The following DGKB variants were observed in gnomAD, a reference collection of about 807,000 sequenced individuals.
DGKB encodes 90 kDa diacylglycerol kinase.
A neutral mutation model predicts 114.3 loss-of-function variants in DGKB; 67 were observed. The ratio of observed to expected loss-of-function variants is 0.59; its 90% CI spans 0.48 to 0.72. The LOEUF is 0.72. Among genes scored for constraint, DGKB ranks in the 30% least tolerant of loss-of-function variants. The pLI is 0.00. For missense variants in DGKB, 907 were observed against 975.2 expected, an observed-to-expected ratio of 0.93 and a Z score of 0.93; for synonymous variants, 398 against 323.1, an observed-to-expected ratio of 1.23 and a Z score of -2.49.
chr7:14,937,103 A>G (rs576474915), intron 1 of DGKB, among the ~76,000 whole-genome samples: 4 of 150,290 alleles, frequency 2.7e-5, no homozygotes, highest in African/African-American at 7.3e-5. Flanking sequence ...ATTTTGCTAC[A>G]TTTTTTTCAT....
At chr7:14,964,321 A>G (rs113694770) in intron 1 of DGKB, among the ~76,000 whole-genome samples, 19,535 of 152,124 alleles carry the variant, frequency 0.13, 1,350 homozygotes, top group Admixed American at 0.19. Flanking sequence ...CCTGGGCCAC[A>G]TGGCAAAACC....
chr7:14,875,557 C>T (rs778926758), intron 1 of DGKB, among the ~76,000 whole-genome samples: 11 of 152,062 alleles, frequency 7.2e-5, no homozygotes, highest in Non-Finnish European at 1.6e-4. Flanking sequence ...AAGTAGATAA[C>T]GCAAAACTGT....
intron 25 of DGKB, among the ~76,000 whole-genome samples, chr7:14,154,859 T>TC (rs1782759548): frequency 6.6e-6 from 1 of 151,776 alleles, no homozygotes; most frequent in Admixed American, 6.6e-5. Context: ...TTTTTTTTTT[T>TC]TCGTTACACG....
chr7:14,545,289 A>C (rs1794102743), intron 20 of DGKB, among the ~76,000 whole-genome samples: 1 of 152,208 alleles, frequency 6.6e-6, no homozygotes, highest in African/African-American at 2.4e-5. Context: ...CTATATGATG[A>C]AAGTAACCTC....
chr7:14,614,605 A>G (rs1806186056), intron 15 of DGKB, among the ~76,000 whole-genome samples: 1 of 152,108 alleles, frequency 6.6e-6, no homozygotes, highest in Non-Finnish European at 1.5e-5. Context: ...TAACAATATA[A>G]GTTAAAATAT....
upstream of DGKB, among the ~76,000 whole-genome samples, chr7:14,904,648 C>A (rs1010564572): frequency 6.6e-6 from 1 of 152,098 alleles, no homozygotes; most frequent in Non-Finnish European, 1.5e-5. Context: ...TTATCAGAGG[C>A]TAATATTTTG....
chr7:14,898,093 G>A (rs914157418), intron 1 of DGKB, among the ~76,000 whole-genome samples: 1 of 151,940 alleles, frequency 6.6e-6, no homozygotes, highest in Non-Finnish European at 1.5e-5. Context: ...TAGAAAGACT[G>A]TTGGGCCCGT....
At chr7:14,226,915 A>C (rs1384022284) in intron 23 of DGKB, among the ~76,000 whole-genome samples, 1 of 152,056 alleles carries the variant, frequency 6.6e-6, no homozygotes, top group Admixed American at 6.6e-5. Context: ...AATCTCATTT[A>C]TCTATTTAAT....
chr7:14,895,414 G>A (rs932040744), intron 1 of DGKB, among the ~76,000 whole-genome samples: 3 of 151,504 alleles, frequency 2.0e-5, no homozygotes, highest in African/African-American at 7.3e-5. Context: ...GGTGGGGCAG[G>A]AGTGGTCCTT....
At chr7:14,905,684 T>C (rs939404867), upstream of DGKB, among the ~76,000 whole-genome samples, 1 of 152,210 alleles carries the variant, frequency 6.6e-6, no homozygotes, top group African/African-American at 2.4e-5. Flanking sequence ...AATTTAATGA[T>C]AGTCATTTAC....
intron 23 of DGKB, among the ~76,000 whole-genome samples, chr7:14,194,546 A>ATCT (rs1418962136): frequency 2.0e-5 from 3 of 152,136 alleles, no homozygotes; most frequent in African/African-American, 4.8e-5. Context: ...ACATAAATGG[A>ATCT]TTAACAAGAG....
intron 13 of DGKB, among the ~76,000 whole-genome samples, chr7:14,659,069 TA>T (rs1275330250): frequency 6.6e-6 from 1 of 151,890 alleles, no homozygotes; most frequent in Non-Finnish European, 1.5e-5. Context: ...CTCCCTCCCC[TA>T]ACCCCCTACC....
chr7:14,804,655 C>T (rs1160898035), intron 2 of DGKB, among the ~76,000 whole-genome samples: 3 of 151,938 alleles, frequency 2.0e-5, no homozygotes, highest in Non-Finnish European at 4.4e-5. Context: ...TCTTATTTTG[C>T]CTATTTTCAA....
At chr7:14,316,155 G>C (rs2128519424) in intron 23 of DGKB, among the ~76,000 whole-genome samples, 1 of 152,036 alleles carries the variant, frequency 6.6e-6, no homozygotes, top group African/African-American at 2.4e-5. Context: ...GAAATTTATA[G>C]CACTAAATAC....
chr7:14,742,499 A>G (rs1371094572), intron 4 of DGKB, among the ~76,000 whole-genome samples: 1 of 152,198 alleles, frequency 6.6e-6, no homozygotes, highest in Non-Finnish European at 1.5e-5. Flanking sequence ...ATGTCATTAA[A>G]ATTTAAATAG....
intron 1 of DGKB, among the ~76,000 whole-genome samples, chr7:14,934,720 T>C (rs1305444459): frequency 6.6e-6 from 1 of 152,200 alleles, no homozygotes. Flanking sequence ...AGGGTATATT[T>C]AAGAATTAAT....
At chr7:14,240,038 G>A (rs750169369) in intron 23 of DGKB, among the ~76,000 whole-genome samples, 1 of 151,954 alleles carries the variant, frequency 6.6e-6, no homozygotes, top group African/African-American at 2.4e-5. Flanking sequence ...GTTTTGTTTA[G>A]AAAATAATGG....
chr7:14,659,126 T>C (rs927335203), intron 13 of DGKB, among the ~76,000 whole-genome samples: 2 of 151,978 alleles, frequency 1.3e-5, no homozygotes, highest in Non-Finnish European at 2.9e-5. Context: ...TGTGCCCATG[T>C]GTTCTCATTG....
At chr7:14,567,129 A>C (rs1223807554) in intron 20 of DGKB, among the ~76,000 whole-genome samples, 1 of 112,510 alleles carries the variant, frequency 8.9e-6, no homozygotes, top group East Asian at 2.2e-4. Flanking sequence ...ATAAATATAT[A>C]ATTATATGTT....
Sources: allele counts gnomAD v4.1 joint callset (sites outside exome capture counted in the v4.1 genomes callset), GRCh38; gene constraint gnomAD v4.1.1; transcripts MANE v1.5; gene names NCBI Gene and HGNC (gene_info 2026-07-23, HGNC 2026-07-21).